PDE11A: variants seen among roughly 807,000 people sequenced by gnomAD.
PDE11A encodes the protein phosphodiesterase 11A, also known as dual 3',5'-cyclic-AMP and -GMP phosphodiesterase 11A.
PDE11A carries 100 observed loss-of-function variants against 100.5 expected under a neutral mutation model. That is an observed-to-expected ratio of 1.00 (90% CI 0.85 to 1.18). PDE11A has a LOEUF of 1.18. PDE11A is among the 50% of genes most tolerant of loss of function. The probability of loss-of-function intolerance (pLI) is 0.00; values close to 1 mark genes in which losing one functional copy is unlikely to be tolerated. For synonymous variants in PDE11A, 381 were observed against 420.8 expected, an observed-to-expected ratio of 0.91 and a Z score of 1.16; for missense variants, 1,141 against 1,152.6, an observed-to-expected ratio of 0.99 and a Z score of 0.15.
chr2:178,037,864 C>T (rs1315564002), intron 1 of PDE11A, among the ~76,000 whole-genome samples: 3 of 151,884 alleles, frequency 2.0e-5, no homozygotes, highest in Admixed American at 6.6e-5. Flanking sequence ...CACACCAGGG[C>T]CTGTCAGGGG....
intron 16 of PDE11A, chr2:177,676,159 T>G (rs1228428277): frequency 1.2e-5 from 2 of 164,832 alleles, no homozygotes; most frequent in Non-Finnish European, 2.7e-5. Flanking sequence ...ACAGGAATGG[T>G]CTGAATCAGA....
At chr2:178,060,620 T>C (rs957257356) in intron 1 of PDE11A, among the ~76,000 whole-genome samples, 2 of 152,152 alleles carry the variant, frequency 1.3e-5, no homozygotes, top group Admixed American at 6.5e-5. Context: ...GGGAATCGAA[T>C]TCGGTCTGAT....
intron 15 of PDE11A, among the ~76,000 whole-genome samples, chr2:177,695,958 G>A (rs890553656): frequency 3.3e-5 from 5 of 152,150 alleles, no homozygotes; most frequent in African/African-American, 1.2e-4. Context: ...GGAAGATGGC[G>A]AGTGGAGGAA....
intron 19 of PDE11A, among the ~76,000 whole-genome samples, chr2:177,652,116 T>C (rs996251439): frequency 2.6e-5 from 4 of 152,184 alleles, no homozygotes; most frequent in African/African-American, 7.2e-5. Flanking sequence ...TCCCAGTGGC[T>C]GATAACAACA....
At chr2:177,669,448 G>T in intron 18 of PDE11A, 45 bp downstream of exon 18, 2 of 835,454 alleles carry the variant, frequency 2.4e-6, no homozygotes, top group Non-Finnish European at 4.2e-6. Context: ...TTTTGAAAAT[G>T]TCATTCAAAA....
At chr2:177,981,780 G>A (rs2085885344) in intron 2 of PDE11A, among the ~76,000 whole-genome samples, 1 of 151,000 alleles carries the variant, frequency 6.6e-6, no homozygotes. Flanking sequence ...ATTAGTACAT[G>A]AAGTACTTCA....
intron 9 of PDE11A, among the ~76,000 whole-genome samples, chr2:177,776,124 T>C (rs1328788820): frequency 1.3e-5 from 2 of 152,316 alleles, no homozygotes; most frequent in Middle Eastern, 3.4e-3. Context: ...AATCATGATA[T>C]GCCTTATATA....
intron 9 of PDE11A, among the ~76,000 whole-genome samples, chr2:177,813,188 T>C (rs530959155): frequency 9.2e-5 from 14 of 152,332 alleles, no homozygotes; most frequent in African/African-American, 2.4e-4. Context: ...TGCTACTACC[T>C]AACCTTTGAG....
At chr2:177,836,143 G>A (rs1411659669) in intron 6 of PDE11A, among the ~76,000 whole-genome samples, 2 of 152,262 alleles carry the variant, frequency 1.3e-5, no homozygotes, top group African/African-American at 2.4e-5. Context: ...CCTGAGTCTG[G>A]TGGGGACTTG....
rs768058305 is a variant in PDE11A at position 177,820,349 on chromosome 2, A to ATTTACATT, written c.1501-62_1501-55dup. 568 of 1,019,430 alleles carry ATTTACATT rather than the reference A, an allele frequency of 5.6e-4. 9 individuals are homozygous for ATTTACATT. The highest frequency in any genetic ancestry group is 4.3e-3 in the South Asian group (327 of 75,496). 63.1% of individuals were successfully genotyped at this position (1,019,430 alleles called of 1,614,324 possible). A position where few individuals can be genotyped will look rare whatever the true frequency, so the allele number is the denominator to read the frequency against. On this transcript the variant is annotated intron_variant, in intron 6 of 19. Coordinates refer to ENST00000286063, the MANE Select transcript of PDE11A (RefSeq NM_016953.4). ...ATTGAATATTAACTATTCATTTTTGATTTACATTTTTTCCATTTTTCATAA... is the reference window on the plus strand; with the variant it reads ...ATTGAATATTAACTATTCATTTTTGATTTACATTTTTACATTTTTTCCATTTTTCATAA...
intron 5 of PDE11A, among the ~76,000 whole-genome samples, chr2:177,872,071 C>T (rs1400231312): frequency 2.0e-5 from 3 of 152,168 alleles, no homozygotes; most frequent in Non-Finnish European, 4.4e-5. Context: ...CCCACTCCCA[C>T]CACTGTTCAT....
rs181749764 is a variant in PDE11A at position 177,957,193 on chromosome 2, T to C, written c.1072-52006A>G. Among the ~76,000 whole-genome samples the C allele has an allele frequency of 1.4e-3, 220 of 152,262 alleles. 2 individuals are homozygous for C. The highest frequency in any genetic ancestry group is 5.2e-3 in the African/African-American group (216 of 41,568). ...TGGCTTCTCGTAGCACAAGAGAACA[T>C]AAATGTACAAATATTTCCACTTTTC... On this transcript the variant is annotated intron_variant, in intron 2 of 19. Coordinates refer to ENST00000286063, the MANE Select transcript of PDE11A (RefSeq NM_016953.4).
intron 9 of PDE11A, among the ~76,000 whole-genome samples, chr2:177,813,819 T>A (rs1462482870): frequency 8.4e-6 from 1 of 119,586 alleles, no homozygotes; most frequent in Non-Finnish European, 1.7e-5. Flanking sequence ...TTCCCTCCAC[T>A]CTTGTTGCTA....
chr2:177,877,039 G>GGGGT (rs1244664204), intron 4 of PDE11A, among the ~76,000 whole-genome samples: 8 of 147,680 alleles, frequency 5.4e-5, no homozygotes, highest in Admixed American at 1.3e-4. Flanking sequence ...GCAATTTTGA[G>GGGGT]GGGTAGAAAA....
At position 177,816,863 on chromosome 2, in the gene PDE11A, T is replaced by C. The variant is rs148955609; in HGVS notation, c.1703A>G (p.Lys568Arg). 102 of 1,610,418 alleles carry C rather than the reference T, an allele frequency of 6.3e-5. No homozygotes were observed. The highest frequency in any genetic ancestry group is 8.1e-5 in the Non-Finnish European group (95 of 1,176,798). Residue 568 changes from lysine to arginine, a missense_variant, in exon 9 of 20, where the codon AAG becomes AGG. Coordinates refer to ENST00000286063, the MANE Select transcript of PDE11A (RefSeq NM_016953.4). ...CACAGACTGCTTGGCCCAGGACTTC[T>C]TCACTTGATCATACATAATTGTGTT... is the stretch of plus-strand genomic sequence containing the variant. Reference protein sequence around the residue: ...INNTIMYDQVKKSWAKQSVAL... With the variant: ...INNTIMYDQVRKSWAKQSVAL...
intron 2 of PDE11A, among the ~76,000 whole-genome samples, chr2:178,081,602 C>T (rs2087285837): frequency 6.6e-6 from 1 of 152,168 alleles, no homozygotes; most frequent in South Asian, 2.1e-4. Context: ...CAGGGCCTCA[C>T]CAAATTTTCC....
intron 5 of PDE11A, among the ~76,000 whole-genome samples, chr2:177,849,513 A>C (rs1446399914): frequency 2.0e-5 from 3 of 152,236 alleles, no homozygotes; most frequent in Non-Finnish European, 2.9e-5. Flanking sequence ...TCAATGTGCA[A>C]AAATCACAAG....
intron 2 of PDE11A, among the ~76,000 whole-genome samples, chr2:177,986,737 A>C (rs1390936415): frequency 6.6e-6 from 1 of 151,880 alleles, no homozygotes; most frequent in Non-Finnish European, 1.5e-5. Flanking sequence ...AGGCTGAGGC[A>C]GGAGAATCGC....
chr2:177,967,378 A>C (rs1026113312), intron 2 of PDE11A, among the ~76,000 whole-genome samples: 1 of 151,532 alleles, frequency 6.6e-6, no homozygotes, highest in African/African-American at 2.4e-5. Flanking sequence ...TTATAGTTTT[A>C]GTAGAGACAA....
Sources: allele counts gnomAD v4.1 joint callset (sites outside exome capture counted in the v4.1 genomes callset), GRCh38; gene constraint gnomAD v4.1.1; transcripts MANE v1.5; gene names NCBI Gene and HGNC (gene_info 2026-07-23, HGNC 2026-07-21).